The following PLEKHH2 variants were observed in gnomAD, a reference collection of about 807,000 sequenced individuals.
PLEKHH2 encodes the protein pleckstrin homology, MyTH4 and FERM domain containing H2, also known as pleckstrin homology domain-containing family H member 2.
Under a neutral mutation model 187.9 loss-of-function variants are expected in PLEKHH2, and 129 were observed. The ratio of observed to expected loss-of-function variants is 0.69; its 90% CI spans 0.59 to 0.79. PLEKHH2 has a LOEUF of 0.79. PLEKHH2 is among the 30% of genes least tolerant of loss of function. The probability of loss-of-function intolerance (pLI) is 0.00; values close to 1 mark genes in which losing one functional copy is unlikely to be tolerated. For missense variants in PLEKHH2, 2,076 were observed against 1,751.2 expected, an observed-to-expected ratio of 1.19 and a Z score of -3.31; for synonymous variants, 686 against 605.6, an observed-to-expected ratio of 1.13 and a Z score of -1.95.
chr2:43,738,406 C>A lies in PLEKHH2; in HGVS notation c.3009C>A (p.Ala1003=), dbSNP rs373453288. ...SPAIDYHISL[A]QSALQICLTH... ...CAATTGATTACCACATATCTTTAGC[C>A]CAGAGTGCTTTGCAAATCTGCCTGA... The change falls in exon 20 of 30, where the codon GCC becomes GCA. Residue 1003 remains alanine (A), a synonymous_variant. Coordinates refer to ENST00000282406, the MANE Select transcript of PLEKHH2 (RefSeq NM_172069.4). 1.2e-6 allele frequency: 2 copies of A among 1,613,922 alleles called. No homozygotes were observed. Among genetic ancestry groups the A allele is most frequent in the South Asian group, 1.1e-5 (1 of 91,048 alleles).
chr2:43,666,629 T>G (rs917819474), intron 2 of PLEKHH2, among the ~76,000 whole-genome samples: 1 of 152,248 alleles, frequency 6.6e-6, no homozygotes, highest in Non-Finnish European at 1.5e-5. Flanking sequence ...TATTCAATCT[T>G]TGTAATTTTA....
chr2:43,732,716 C>A (rs17039137), intron 19 of PLEKHH2, among the ~76,000 whole-genome samples: 8 of 152,216 alleles, frequency 5.3e-5, no homozygotes, highest in African/African-American at 1.4e-4. Flanking sequence ...ATGATAACTG[C>A]GTCCTGGCTT....
chr2:43,743,404 C>G (rs894927231), intron 22 of PLEKHH2, among the ~76,000 whole-genome samples: 1 of 152,160 alleles, frequency 6.6e-6, no homozygotes, highest in South Asian at 2.1e-4. Context: ...TGCCTTTTAT[C>G]ACAGAATTCA....
chr2:43,755,010 T>G (rs1203676901), intron 25 of PLEKHH2, among the ~76,000 whole-genome samples: 1 of 151,716 alleles, frequency 6.6e-6, no homozygotes, highest in East Asian at 1.9e-4. Flanking sequence ...GTAGCTGGAA[T>G]TATAGGCACT....
intron 2 of PLEKHH2, chr2:43,676,408 G>T: frequency 8.8e-7 from 1 of 1,134,894 alleles, no homozygotes. Context: ...GCTGGCGGCT[G>T]CGCTCCCGGT....
Position 43,752,528 on chromosome 2 carries a change from G to C in PLEKHH2, c.3654-1091G>C, listed in dbSNP as rs546332728. Among the ~76,000 whole-genome samples the C allele has an allele frequency of 5.3e-5, 8 of 152,262 alleles. No homozygotes were observed. In the East Asian group the frequency reaches 1.5e-3, roughly 29 times the overall value. ...GGGAGAGATACTGTAAATGATAGGGGTGTGTCCTCTCCCACAAGTGTGTAG... is the reference window on the plus strand; with the variant it reads ...GGGAGAGATACTGTAAATGATAGGGCTGTGTCCTCTCCCACAAGTGTGTAG... On this transcript the variant is annotated intron_variant, in intron 24 of 29. Coordinates refer to ENST00000282406, the MANE Select transcript of PLEKHH2 (RefSeq NM_172069.4).
rs144380970 is a variant in PLEKHH2, at chr2:43,717,683, T to A, written c.2461-2986T>A. Among the ~76,000 whole-genome samples the A allele has an allele frequency of 9.9e-5, 15 of 152,208 alleles. No individual in the cohort carries two copies. The East Asian group carries it at 2.7e-3, about 27-fold the overall frequency. On this transcript the variant is annotated intron_variant, in intron 15 of 29. Transcript: ENST00000282406. ...TGTGGCCAAGAGGCAAGGGCAAGGATGGGAACAAGACTGCCTGGGCACAAG... is the reference window on the plus strand; with the variant it reads ...TGTGGCCAAGAGGCAAGGGCAAGGAAGGGAACAAGACTGCCTGGGCACAAG...
Position 43,757,114 on chromosome 2 carries a change from A to G in PLEKHH2, c.3796-5A>G, listed in dbSNP as rs2104621645. The stretch of plus-strand genomic sequence containing the variant: ...ATATTTTCACTTTTGTGGATTTCCA[A>G]TTAGGTAGAGATTGGAGATTTTGAA... On this transcript the variant is annotated splice_polypyrimidine_tract_variant and splice_region_variant and intron_variant, in intron 25 of 29. Coordinates refer to ENST00000282406, the MANE Select transcript of PLEKHH2 (RefSeq NM_172069.4). The G allele has an allele frequency of 5.1e-6, 8 of 1,559,834 alleles. No individual in the cohort carries two copies. The highest frequency in any genetic ancestry group is 1.7e-4 in the Middle Eastern group (1 of 5,816).
At position 43,703,962 on chromosome 2, in the gene PLEKHH2, ACT is replaced by A; in HGVS notation, c.1651-12_1651-11del. 7.3e-7 allele frequency: 1 copy of A among 1,376,300 alleles called. No individual in the cohort carries two copies. The highest frequency in any genetic ancestry group is 9.9e-7 in the Non-Finnish European group (1 of 1,008,948). 85.3% of individuals were successfully genotyped at this position (1,376,300 alleles called of 1,614,324 possible). The stretch of plus-strand genomic sequence containing the variant: ...TTTTTGCTTTAAATACCCTGTTCAA[ACT>A]CTCTCTTTTACCCTAGGAAAGCAGA... On this transcript the variant is annotated splice_polypyrimidine_tract_variant and intron_variant, in intron 8 of 29. Coordinates refer to ENST00000282406, the MANE Select transcript of PLEKHH2 (RefSeq NM_172069.4).
At chr2:43,760,882 A>G (rs1434209683) in intron 27 of PLEKHH2, among the ~76,000 whole-genome samples, 1 of 152,218 alleles carries the variant, frequency 6.6e-6, no homozygotes, top group Non-Finnish European at 1.5e-5. Flanking sequence ...AAGAGAAATC[A>G]TATAATATTT....
chr2:43,671,153 T>G (rs1667479569), intron 2 of PLEKHH2, among the ~76,000 whole-genome samples: 1 of 151,828 alleles, frequency 6.6e-6, no homozygotes, highest in Admixed American at 6.6e-5. Flanking sequence ...CGACCAGCTA[T>G]TTTTTGTATT....
At chr2:43,762,940 T>C (rs1028941252) in intron 28 of PLEKHH2, among the ~76,000 whole-genome samples, 4 of 152,186 alleles carry the variant, frequency 2.6e-5, no homozygotes, top group African/African-American at 9.7e-5. Context: ...TTTTATTCTC[T>C]TTTTTGTTTA....
At chr2:43,727,438 G>T (rs1670816601) in intron 17 of PLEKHH2, among the ~76,000 whole-genome samples, 1 of 136,556 alleles carries the variant, frequency 7.3e-6, no homozygotes, top group Non-Finnish European at 1.6e-5. Context: ...AAACAAAAAG[G>T]CAGTGTAAGA....
At chr2:43,741,074 T>A in intron 21 of PLEKHH2, 31 bp downstream of exon 21, 1 of 1,557,780 alleles carries the variant, frequency 6.4e-7, no homozygotes, top group Non-Finnish European at 8.8e-7. Flanking sequence ...CTGAACTGTT[T>A]ATGTGGCCTC....
chr2:43,712,038 C>T, intron 14 of PLEKHH2, 187 bp from the exon 15 acceptor site: 3 of 1,270,126 alleles, frequency 2.4e-6, no homozygotes, highest in Non-Finnish European at 3.1e-6. Flanking sequence ...AATTTAATTG[C>T]TGTAATTCTC....
At chr2:43,675,823 A>C (rs916103594) in intron 2 of PLEKHH2, 3 of 1,613,992 alleles carry the variant, frequency 1.9e-6, no homozygotes, top group Middle Eastern at 1.6e-4. Flanking sequence ...AGTGTGGCCC[A>C]GATAGAAGGG....
At chr2:43,677,543 G>C (rs1338155428) in intron 2 of PLEKHH2, among the ~76,000 whole-genome samples, 1 of 151,778 alleles carries the variant, frequency 6.6e-6, no homozygotes, top group Non-Finnish European at 1.5e-5. Context: ...AGGATCCCAA[G>C]GCAGAAGAAT....
rs781704580 is a variant in PLEKHH2, at chr2:43,726,361, A to C, written c.2631A>C (p.Gly877=). Residue 877 remains glycine, a synonymous_variant, in exon 17 of 30, where the codon GGA becomes GGC. Transcript: ENST00000282406. ...CAGATGAAGATTATGAAGCCAGTGGACGAAGTCTGTTATCCACACATTATA... is the reference window on the plus strand; with the variant it reads ...CAGATGAAGATTATGAAGCCAGTGGCCGAAGTCTGTTATCCACACATTATA... ...CDSDEDYEAS[G]RSLLSTHYTI... 1.9e-6 allele frequency: 3 copies of C among 1,610,716 alleles called. No homozygotes were observed. The highest frequency in any genetic ancestry group is 4.5e-5 in the East Asian group (2 of 44,832).
chr2:43,674,517 C>G (rs1287031966), intron 2 of PLEKHH2, among the ~76,000 whole-genome samples: 17 of 152,164 alleles, frequency 1.1e-4, no homozygotes, highest in Admixed American at 9.8e-4. Context: ...ATAGTCTAAA[C>G]AAGTAATTCA....
Sources: allele counts gnomAD v4.1 joint callset (sites outside exome capture counted in the v4.1 genomes callset), GRCh38; gene constraint gnomAD v4.1.1; transcripts MANE v1.5; gene names NCBI Gene and HGNC (gene_info 2026-07-23, HGNC 2026-07-21).